Variants in ZRANB2 observed in about 807,000 individuals in gnomAD.
ZRANB2 encodes the protein zinc finger RANBP2-type containing 2.
Under a neutral mutation model 53.4 loss-of-function variants are expected in ZRANB2, and 19 were observed. The observed-to-expected ratio is 0.36, with a 90% CI of 0.25 to 0.52. ZRANB2 has a LOEUF of 0.52. ZRANB2 is among the 20% of genes least tolerant of loss of function. The probability of loss-of-function intolerance (pLI) is 0.93; values close to 1 mark genes in which losing one functional copy is unlikely to be tolerated. For synonymous variants in ZRANB2, 145 were observed against 134.8 expected (o/e 1.08, Z -0.52); for missense variants, 309 against 401.1 (o/e 0.77, Z 1.96).
intron 4 of ZRANB2, among the ~76,000 whole-genome samples, 174 bp downstream of exon 4, chr1:71,076,621 A>T (rs1661715942): frequency 6.6e-6 from 1 of 152,202 alleles, no homozygotes; most frequent in Admixed American, 6.5e-5. Context: ...TAAATTGTGA[A>T]ACAAAAGATT....
chr1:71,079,716 G>A (rs1423817185), intron 1 of ZRANB2, among the ~76,000 whole-genome samples: 1 of 152,126 alleles, frequency 6.6e-6, no homozygotes, highest in Non-Finnish European at 1.5e-5. Flanking sequence ...CTACCTCTGG[G>A]TGTGCTGTCA....
chr1:71,079,923 A>G (rs1472357551), intron 1 of ZRANB2, among the ~76,000 whole-genome samples: 1 of 152,206 alleles, frequency 6.6e-6, no homozygotes, highest in African/African-American at 2.4e-5. Flanking sequence ...TCAAATTACT[A>G]TCAATAGCCA....
intron 7 of ZRANB2, 57 bp from the exon 8 acceptor site, chr1:71,069,419 T>A (rs1389134514): frequency 7.7e-7 from 1 of 1,291,634 alleles, no homozygotes; most frequent in African/African-American, 1.5e-5. Context: ...AGCTTTGTGA[T>A]ATGAACACTG....
At chr1:71,071,622 CTCT>C (rs1661594744) in intron 6 of ZRANB2, among the ~76,000 whole-genome samples, 1 of 152,056 alleles carries the variant, frequency 6.6e-6, no homozygotes, top group Non-Finnish European at 1.5e-5. Context: ...CTCCCCTCTG[CTCT>C]AACTATACTG....
At chr1:71,065,242 T>C (rs1487383829) in intron 9 of ZRANB2, 105 bp from the exon 10 acceptor site, 10 of 851,944 alleles carry the variant, frequency 1.2e-5, no homozygotes, top group Non-Finnish European at 1.6e-5. Flanking sequence ...ACCATGATGC[T>C]AGCAAAAAAA....
chr1:71,067,624 G>A (rs1461636518), intron 8 of ZRANB2: 1 of 433,830 alleles, frequency 2.3e-6, no homozygotes, highest in Non-Finnish European at 4.6e-6. Context: ...TTTGGTTGAA[G>A]GAATTTAGCT....
chr1:71,072,313 T>C (rs1379535496), intron 5 of ZRANB2, 58 bp from the exon 6 acceptor site: 2 of 1,505,474 alleles, frequency 1.3e-6, no homozygotes, highest in East Asian at 2.4e-5. Flanking sequence ...ACTTAATACA[T>C]TTTCTAAAAA....
chr1:71,066,977 G>A (rs749903536), intron 8 of ZRANB2, 43 bp from the exon 9 acceptor site: 2 of 1,521,098 alleles, frequency 1.3e-6, no homozygotes, highest in South Asian at 1.3e-5. Context: ...ATTAAAAGAA[G>A]AAATAAGGAA....
intron 3 of ZRANB2, among the ~76,000 whole-genome samples, chr1:71,078,195 C>T (rs546750043): frequency 4.6e-5 from 7 of 152,208 alleles, no homozygotes; most frequent in African/African-American, 9.6e-5. Flanking sequence ...CACCACCCCC[C>T]GATTGGTTTT....
At chr1:71,067,274 T>C (rs1027592662) in intron 8 of ZRANB2, 4 of 181,558 alleles carry the variant, frequency 2.2e-5, no homozygotes, top group Non-Finnish European at 4.6e-5. Flanking sequence ...AACAGGACTT[T>C]ACGTTTAGGA....
intron 7 of ZRANB2, 22 bp downstream of exon 7, chr1:71,070,805 C>G (rs1172292012): frequency 6.8e-7 from 1 of 1,465,328 alleles, no homozygotes; most frequent in South Asian, 1.4e-5. Flanking sequence ...ACTGGTGTTA[C>G]CCTTGACCTG....
At chr1:71,080,846 C>G (rs1283937425) in intron 1 of ZRANB2, 94 bp downstream of exon 1, 1 of 1,465,262 alleles carries the variant, frequency 6.8e-7, no homozygotes, top group Non-Finnish European at 9.6e-7. Context: ...CGTCTTAAGG[C>G]ACAGAAAATC....
chr1:71,072,347 C>T, intron 5 of ZRANB2, 92 bp from the exon 6 acceptor site: 1 of 1,453,660 alleles, frequency 6.9e-7, no homozygotes, highest in Non-Finnish European at 9.3e-7. Flanking sequence ...TTTATGATTT[C>T]CTGAAAATGA....
At position 71,065,684 on chromosome 1, in the gene ZRANB2, A is replaced by G. The variant is rs747676859; in HGVS notation, c.930-547T>C. The G allele has an allele frequency of 2.5e-6, 4 of 1,610,770 alleles. No homozygotes were observed. The Admixed American group carries it at 5.0e-5, about 20-fold the overall frequency. On this transcript the variant is annotated intron_variant, in intron 9 of 9. Transcript: ENST00000370920. ...TGAATAAGTCAATATCAACCTGGGT[A>G]AAGTAGTGGTGTTCCGTAGGGGTTG...
At chr1:71,067,073 A>G in intron 8 of ZRANB2, 139 bp from the exon 9 acceptor site, 1 of 731,822 alleles carries the variant, frequency 1.4e-6, no homozygotes, top group Admixed American at 3.8e-5. Flanking sequence ...CTTACTGCTT[A>G]TTCAACAGAA....
In ZRANB2 at chr1:71,080,989, T is replaced by C. The variant is rs750478048; in HGVS notation, c.7A>G (p.Thr3Ala). The change falls in exon 1 of 10, where the codon ACC (threonine) becomes GCC (alanine). Residue 3 changes from threonine to alanine, a missense_variant. Transcript: ENST00000370920. ...CCGTCACTGACTCGGAAATTCTTGG[T>C]CGACATCTTGAACGCCACCAGCACA... MS[T>A]KNFRVSDGDW... 19 of 1,614,168 alleles carry C rather than the reference T, an allele frequency of 1.2e-5. No individual in the cohort carries two copies. Among genetic ancestry groups the C allele is most frequent in the Non-Finnish European group, 5.1e-6 (6 of 1,180,030 alleles).
intron 7 of ZRANB2, among the ~76,000 whole-genome samples, chr1:71,069,752 T>C (rs570015110): frequency 6.6e-6 from 1 of 152,166 alleles, no homozygotes; most frequent in Non-Finnish European, 1.5e-5. Context: ...TCCCCTTCTA[T>C]TTTTGTTTCT....
At chr1:71,066,241 T>C (rs1661432195) in intron 9 of ZRANB2, 1 of 153,818 alleles carries the variant, frequency 6.5e-6, no homozygotes, top group South Asian at 2.0e-4. Context: ...AATATAGGCC[T>C]TTCTCAAAAA....
chr1:71,080,796 C>A, intron 1 of ZRANB2, 144 bp downstream of exon 1: 1 of 913,876 alleles, frequency 1.1e-6, no homozygotes, highest in Non-Finnish European at 1.8e-6. Context: ...GATTGGGAGC[C>A]TTCTTCCCGC....
Sources: allele counts gnomAD v4.1 joint callset (sites outside exome capture counted in the v4.1 genomes callset), GRCh38; gene constraint gnomAD v4.1.1; transcripts MANE v1.5; gene names NCBI Gene and HGNC (gene_info 2026-07-23, HGNC 2026-07-21).